Variants in GNAI3 observed in about 807,000 individuals in gnomAD.
GNAI3 encodes the protein G protein subunit alpha i3.
Under a neutral mutation model 41.8 loss-of-function variants are expected in GNAI3, and 12 were observed. That is an observed-to-expected ratio of 0.29 (90% CI 0.18 to 0.47). The LOEUF (loss-of-function observed/expected upper bound fraction) is 0.47. Among genes scored for constraint, GNAI3 ranks in the 20% least tolerant of loss-of-function variants. The probability of loss-of-function intolerance (pLI) is 1.00; values close to 1 mark genes in which losing one functional copy is unlikely to be tolerated. For missense variants in GNAI3, 360 were observed against 429.6 expected (o/e 0.84, Z 1.43); for synonymous variants, 132 against 146.5 (o/e 0.90, Z 0.71).
At chr1:109,561,009 C>T (rs1028123954) in intron 1 of GNAI3, among the ~76,000 whole-genome samples, 3 of 152,112 alleles carry the variant, frequency 2.0e-5, no homozygotes, top group East Asian at 1.9e-4. Context: ...AACAGGGCTT[C>T]GTTTGATATA....
intron 1 of GNAI3, among the ~76,000 whole-genome samples, chr1:109,557,219 G>A (rs576587601): frequency 1.3e-5 from 2 of 152,340 alleles, no homozygotes; most frequent in South Asian, 4.1e-4. Flanking sequence ...ACAGGTGTGA[G>A]TCACCATGCC....
chr1:109,552,711 G>C (rs928807912), intron 1 of GNAI3, among the ~76,000 whole-genome samples: 1 of 151,268 alleles, frequency 6.6e-6, no homozygotes, highest in Non-Finnish European at 1.5e-5. Context: ...TTGTGTGTGC[G>C]GGTTTTGTTT....
intron 4 of GNAI3, among the ~76,000 whole-genome samples, chr1:109,580,391 A>G (rs1163809437): frequency 1.3e-5 from 2 of 152,118 alleles, no homozygotes; most frequent in East Asian, 3.9e-4. Flanking sequence ...ACGTTTAAGC[A>G]TTAAAGTTTT....
At chr1:109,581,758 G>A (rs1327440715) in intron 4 of GNAI3, among the ~76,000 whole-genome samples, 1 of 151,758 alleles carries the variant, frequency 6.6e-6, no homozygotes, top group Non-Finnish European at 1.5e-5. Flanking sequence ...GCGTAGTGGC[G>A]GGCACCTGTA....
At chr1:109,581,418 A>G (rs1379295943) in intron 4 of GNAI3, among the ~76,000 whole-genome samples, 1 of 152,134 alleles carries the variant, frequency 6.6e-6, no homozygotes, top group Non-Finnish European at 1.5e-5. Flanking sequence ...TTAAACACGC[A>G]TGACCTATTG....
At chr1:109,588,873 CAG>C (rs1276552516) in intron 7 of GNAI3, among the ~76,000 whole-genome samples, 1 of 151,634 alleles carries the variant, frequency 6.6e-6, no homozygotes, top group African/African-American at 2.4e-5. Context: ...AGCCTGGTGA[CAG>C]AGTGAGACTC....
chr1:109,583,452 C>CTA, intron 5 of GNAI3, among the ~76,000 whole-genome samples: 1 of 152,310 alleles, frequency 6.6e-6, no homozygotes, highest in Non-Finnish European at 1.5e-5. Flanking sequence ...TGGGCTCAGG[C>CTA]TATTCTCCCA....
intron 1 of GNAI3, among the ~76,000 whole-genome samples, chr1:109,550,013 T>C (rs1242146326): frequency 6.6e-6 from 1 of 152,184 alleles, no homozygotes; most frequent in East Asian, 1.9e-4. Context: ...AGGGTAGTAT[T>C]TCCATTAGAG....
intron 3 of GNAI3, among the ~76,000 whole-genome samples, chr1:109,575,140 G>A (rs1286122319): frequency 2.0e-5 from 3 of 152,186 alleles, no homozygotes; most frequent in South Asian, 4.1e-4. Flanking sequence ...ATATATCACA[G>A]AGACTATTTT....
chr1:109,573,632 C>A, intron 1 of GNAI3, 105 bp from the exon 2 acceptor site: 1 of 893,848 alleles, frequency 1.1e-6, no homozygotes, highest in Non-Finnish European at 1.8e-6. Context: ...CAAAATTTTC[C>A]CTAGGACCCG....
Position 109,598,857 on chromosome 1 carries a change from C to T in GNAI3, c.*6535C>T, listed in dbSNP as rs774397653. On this transcript the variant is annotated 3_prime_UTR_variant, in exon 9 of 9. Transcript: ENST00000369851. ...CTCTGTCACACTTGCAGTCCCTGGC[C>T]CAACACCGAAATCCTTCTGGAATCT... The T allele has an allele frequency of 1.9e-6, 1 of 533,574 alleles. No individual in the cohort carries two copies. Among genetic ancestry groups the T allele is most frequent in the South Asian group, 1.4e-5 (1 of 71,560 alleles). 33.1% of individuals were successfully genotyped at this position (533,574 alleles called of 1,614,324 possible). A position where few individuals can be genotyped will look rare whatever the true frequency, so the allele number is the denominator to read the frequency against.
chr1:109,591,562 G>A (rs911675641), intron 7 of GNAI3: 40 of 664,384 alleles, frequency 6.0e-5, no homozygotes, highest in Admixed American at 1.3e-4. Flanking sequence ...ACGAATTTGC[G>A]TGTCATCCTT....
rs150204741 is a variant in GNAI3 at position 109,551,114 on chromosome 1, A to G, written c.118+2276A>G. Among the ~76,000 whole-genome samples the G allele has an allele frequency of 4.1e-3, 619 of 152,348 alleles. 6 individuals carry two copies. Among genetic ancestry groups the G allele is most frequent in the Middle Eastern group, 0.014 (4 of 294 alleles). On this transcript the variant is annotated intron_variant, in intron 1 of 8. Coordinates refer to ENST00000369851, the MANE Select transcript of GNAI3 (RefSeq NM_006496.4). Reference sequence around the variant, plus strand: ...AGACACTTGACTTAGGGAACTTGAAAAGCAGTAAGTAAAAATCAAAGTACT... The same window carrying G: ...AGACACTTGACTTAGGGAACTTGAAGAGCAGTAAGTAAAAATCAAAGTACT...
intron 1 of GNAI3, 35 bp downstream of exon 1, chr1:109,548,873 G>A (rs567803230): frequency 1.4e-6 from 2 of 1,392,582 alleles, no homozygotes; most frequent in East Asian, 2.3e-5. Flanking sequence ...AGTGGTGGTC[G>A]GGAGAGCCTA....
chr1:109,589,773 C>G (rs986720330), intron 7 of GNAI3, among the ~76,000 whole-genome samples: 2 of 152,144 alleles, frequency 1.3e-5, no homozygotes, highest in Non-Finnish European at 2.9e-5. Flanking sequence ...AGGGCAATTT[C>G]TGTCCATAGA....
At chr1:109,587,546 A>G (rs1359085025) in intron 7 of GNAI3, among the ~76,000 whole-genome samples, 2 of 152,188 alleles carry the variant, frequency 1.3e-5, no homozygotes, top group Non-Finnish European at 2.9e-5. Context: ...GAGGAATTGC[A>G]TATATGAGAA....
chr1:109,583,180 A>G (rs1648938691), intron 5 of GNAI3, among the ~76,000 whole-genome samples: 1 of 152,118 alleles, frequency 6.6e-6, no homozygotes, highest in Admixed American at 6.6e-5. Flanking sequence ...GTAAGATGAC[A>G]TATAAACAGT....
chr1:109,557,763 G>A (rs1262099607), intron 1 of GNAI3, among the ~76,000 whole-genome samples: 1 of 152,116 alleles, frequency 6.6e-6, no homozygotes, highest in East Asian at 1.9e-4. Flanking sequence ...CCCATTCCCG[G>A]TTCCTGGTAA....
intron 7 of GNAI3, among the ~76,000 whole-genome samples, chr1:109,589,093 G>C (rs569761587): frequency 1.3e-5 from 2 of 152,244 alleles, no homozygotes; most frequent in South Asian, 4.1e-4. Context: ...TTGAGGAGAG[G>C]TTGGGGTTTG....
Sources: gnomAD v4.1 joint callset for allele counts (sites outside exome capture counted in the v4.1 genomes callset) on GRCh38, gnomAD v4.1.1 for gene constraint, MANE v1.5 for transcripts, NCBI Gene and HGNC (gene_info 2026-07-23, HGNC 2026-07-21) for gene names.